The following FRMD4A variants were observed in gnomAD, a reference collection of about 807,000 sequenced individuals.
FRMD4A encodes FERM domain containing 4A, also known as FERM domain-containing protein 4A.
Under a neutral mutation model 129.1 loss-of-function variants are expected in FRMD4A, and 29 were observed. The ratio of observed to expected loss-of-function variants is 0.22; its 90% CI spans 0.17 to 0.31. FRMD4A has a LOEUF of 0.31. Ranked by LOEUF, FRMD4A falls within the 10% of genes least tolerant of loss-of-function variation. The pLI is 1.00. For missense variants in FRMD4A, 1,272 were observed against 1,375.8 expected (o/e 0.92, Z 1.19); for synonymous variants, 634 against 571.6 (o/e 1.11, Z -1.56).
At chr10:14,270,397 A>G (rs1391224278) in intron 2 of FRMD4A, among the ~76,000 whole-genome samples, 1 of 152,196 alleles carries the variant, frequency 6.6e-6, no homozygotes, top group East Asian at 1.9e-4. Context: ...GGATTAGGAC[A>G]AGGGCATCTT....
chr10:13,823,937 A>G (rs917344399), intron 3 of FRMD4A, among the ~76,000 whole-genome samples: 3 of 152,156 alleles, frequency 2.0e-5, no homozygotes, highest in East Asian at 3.8e-4. Flanking sequence ...TGTGGCTCGT[A>G]TGACATCTGC....
At chr10:14,120,988 C>T (rs1838478265) in intron 2 of FRMD4A, among the ~76,000 whole-genome samples, 1 of 152,208 alleles carries the variant, frequency 6.6e-6, no homozygotes, top group South Asian at 2.1e-4. Flanking sequence ...TGATCTTACC[C>T]TGCTGTAACC....
chr10:13,728,013 G>A (rs2135006864), intron 12 of FRMD4A: 1 of 152,278 alleles, frequency 6.6e-6, no homozygotes, highest in Non-Finnish European at 1.5e-5. Flanking sequence ...CAAGAGCAGG[G>A]CCTGGTACCT....
At chr10:13,813,335 C>T (rs1264317394) in intron 3 of FRMD4A, among the ~76,000 whole-genome samples, 2 of 152,168 alleles carry the variant, frequency 1.3e-5, no homozygotes, top group Admixed American at 1.3e-4. Flanking sequence ...ATTCCAGCTA[C>T]TCGGGAGGCT....
intron 2 of FRMD4A, among the ~76,000 whole-genome samples, chr10:13,955,160 T>C (rs2095402729): frequency 7.6e-6 from 1 of 132,234 alleles, no homozygotes; most frequent in African/African-American, 3.0e-5. Flanking sequence ...CAGGCTGGAG[T>C]GCAGTGGCTC....
intron 2 of FRMD4A, chr10:13,991,775 G>A (rs2095604418): frequency 6.6e-6 from 1 of 152,598 alleles, no homozygotes; most frequent in Admixed American, 6.5e-5. Flanking sequence ...ACACACAGAA[G>A]AGAAGGTTAT....
chr10:13,997,358 A>T (rs2131445444), intron 2 of FRMD4A, among the ~76,000 whole-genome samples: 1 of 152,300 alleles, frequency 6.6e-6, no homozygotes, highest in Middle Eastern at 3.4e-3. Flanking sequence ...CTCTGTGTCC[A>T]GGACTGACCT....
At chr10:14,233,497 T>C (rs1426128520) in intron 2 of FRMD4A, among the ~76,000 whole-genome samples, 1 of 152,190 alleles carries the variant, frequency 6.6e-6, no homozygotes, top group Admixed American at 6.5e-5. Flanking sequence ...TCACTTGAAC[T>C]CAGGAGGTGG....
At chr10:14,284,209 C>T (rs1215314220) in intron 2 of FRMD4A, among the ~76,000 whole-genome samples, 4 of 152,072 alleles carry the variant, frequency 2.6e-5, no homozygotes. Context: ...TACTGTTCAC[C>T]CTCCTACAGT....
At chr10:14,301,389 G>A (rs1163111450) in intron 2 of FRMD4A, among the ~76,000 whole-genome samples, 1 of 152,210 alleles carries the variant, frequency 6.6e-6, no homozygotes, top group Non-Finnish European at 1.5e-5. Flanking sequence ...AAGTGGGATG[G>A]TCTCCTGGGG....
At chr10:13,888,825 C>A (rs1473338258) in intron 2 of FRMD4A, among the ~76,000 whole-genome samples, 1 of 152,168 alleles carries the variant, frequency 6.6e-6, no homozygotes, top group Non-Finnish European at 1.5e-5. Context: ...AGCTGGTTAA[C>A]TGTTAGCATG....
chr10:13,838,419 T>C (rs1371803457), intron 3 of FRMD4A, among the ~76,000 whole-genome samples: 1 of 151,650 alleles, frequency 6.6e-6, no homozygotes, highest in Non-Finnish European at 1.5e-5. Context: ...TGATCTCCTT[T>C]TGTAAACTTG....
At chr10:13,664,711 T>C (rs1180968353) in intron 18 of FRMD4A, among the ~76,000 whole-genome samples, 1 of 152,080 alleles carries the variant, frequency 6.6e-6, no homozygotes, top group Admixed American at 6.6e-5. Flanking sequence ...AACATTTTTT[T>C]TTTTTTCAGA....
At chr10:13,761,720 A>G (rs768603215) in intron 7 of FRMD4A, 51 bp from the exon 8 acceptor site, 1 of 1,251,100 alleles carries the variant, frequency 8.0e-7, no homozygotes. Context: ...CCAATGTTAG[A>G]GACTCTAAAG....
intron 12 of FRMD4A, chr10:13,707,940 A>G: frequency 1.0e-6 from 1 of 968,398 alleles, no homozygotes; most frequent in Non-Finnish European, 1.2e-6. Context: ...GCTGCATCCA[A>G]TTGCTCCAGG....
intron 14 of FRMD4A, among the ~76,000 whole-genome samples, chr10:13,699,639 G>C (rs1000184152): frequency 2.0e-5 from 3 of 152,096 alleles, no homozygotes; most frequent in African/African-American, 7.2e-5. Flanking sequence ...GTGCGTGGGG[G>C]GTCTGCCGTC....
intron 2 of FRMD4A, among the ~76,000 whole-genome samples, chr10:13,924,416 T>A (rs1337350639): frequency 6.6e-6 from 1 of 151,176 alleles, no homozygotes; most frequent in Non-Finnish European, 1.5e-5. Context: ...GTTCCTTTTT[T>A]TTTTTCCCAG....
intron 2 of FRMD4A, among the ~76,000 whole-genome samples, chr10:13,974,776 C>T (rs889510193): frequency 6.6e-6 from 1 of 152,106 alleles, no homozygotes; most frequent in Non-Finnish European, 1.5e-5. Context: ...ATCCACCCGC[C>T]TCGCTCTCCC....
intron 12 of FRMD4A, among the ~76,000 whole-genome samples, chr10:13,711,736 T>G (rs1434801198): frequency 6.6e-6 from 1 of 152,246 alleles, no homozygotes; most frequent in East Asian, 1.9e-4. Context: ...GCAAACATCG[T>G]TCCTTTGATC....
Sources: gnomAD v4.1 joint callset for allele counts (sites outside exome capture counted in the v4.1 genomes callset) on GRCh38, gnomAD v4.1.1 for gene constraint, MANE v1.5 for transcripts, NCBI Gene and HGNC (gene_info 2026-07-23, HGNC 2026-07-21) for gene names.